The following AK1 variants were observed in gnomAD, a reference collection of about 807,000 sequenced individuals.
AK1 encodes adenylate kinase 1, also known as adenylate kinase isoenzyme 1.
Under a neutral mutation model 23.9 loss-of-function variants are expected in AK1, and 13 were observed. The observed-to-expected ratio is 0.54, with a 90% CI of 0.35 to 0.86. AK1 has a LOEUF of 0.86. Ranked by LOEUF, AK1 falls within the 40% of genes least tolerant of loss-of-function variation. The probability of loss-of-function intolerance (pLI) is 0.01; values close to 1 mark genes in which losing one functional copy is unlikely to be tolerated. For synonymous variants in AK1, 97 were observed against 102.8 expected, an observed-to-expected ratio of 0.94 and a Z score of 0.34; for missense variants, 214 against 255.1, an observed-to-expected ratio of 0.84 and a Z score of 1.10.
intron 5 of AK1, among the ~76,000 whole-genome samples, chr9:127,870,294 C>A (rs1398208357): frequency 6.6e-6 from 1 of 150,814 alleles, no homozygotes; most frequent in East Asian, 1.9e-4. Context: ...CTCCGTCCAG[C>A]CAGGTTCAAA....
At position 127,867,248 on chromosome 9, in the gene AK1, G is replaced by A. The variant is rs2249308; in HGVS notation, c.*760C>T. The stretch of plus-strand genomic sequence containing the variant: ...CTGCTCTCGAACTCCTGACCTCAGG[G>A]GATCCTCCTGCCTCAGCTTCCCAAA... On this transcript the variant is annotated 3_prime_UTR_variant, in exon 7 of 7. Coordinates refer to ENST00000644144, the MANE Select transcript of AK1 (RefSeq NM_000476.3). The A allele has an allele frequency of 2.0e-5, 3 of 152,178 alleles. No individual in the cohort carries two copies. The highest frequency in any genetic ancestry group is 2.9e-5 in the Non-Finnish European group (2 of 68,052). 9.4% of individuals were successfully genotyped at this position (152,178 alleles called of 1,614,324 possible). A position where few individuals can be genotyped will look rare whatever the true frequency, so the allele number is the denominator to read the frequency against.
Position 127,868,209 on chromosome 9 carries a change from G to A in AK1, c.516+112C>T. The A allele has an allele frequency of 1.4e-6, 2 of 1,442,600 alleles. No individual in the cohort carries two copies. The highest frequency in any genetic ancestry group is 9.6e-7 in the Non-Finnish European group (1 of 1,046,826). The allele number at this position is 1,442,600 out of a possible 1,614,324, so 89.4% of individuals were successfully genotyped here. A position where few individuals can be genotyped will look rare whatever the true frequency, so the allele number is the denominator to read the frequency against. ...ACAGCAGCCCCTCATTGAACCAGTG[G>A]GGAAACCAAGGCCCAGAGAGAGGGG... is the stretch of plus-strand genomic sequence containing the variant. On this transcript the variant is annotated intron_variant, in intron 6 of 6. Transcript: ENST00000644144. The surrounding 1 kb of genome is among the most constrained non-coding windows in gnomAD (Gnocchi z 4.1).
rs1394445308 is a variant in AK1, at chr9:127,875,401, G to T, written c.-32-752C>A. On this transcript the variant is annotated intron_variant, in intron 1 of 6. Coordinates refer to ENST00000644144, the MANE Select transcript of AK1 (RefSeq NM_000476.3). The stretch of plus-strand genomic sequence containing the variant: ...CAGCCCCCAGGACCTCCCCTACCTC[G>T]CCCCCCTATCTCAGAACTGCCCTCT... Among the ~76,000 whole-genome samples the T allele has an allele frequency of 9.2e-5, 6 of 65,230 alleles. No homozygotes were observed. In the South Asian group the frequency reaches 2.5e-3, roughly 27 times the overall value. 42.8% of individuals were successfully genotyped at this position (65,230 alleles called of 152,430 possible).
At position 127,871,689 on chromosome 9, in the gene AK1, C is replaced by A. The variant is rs895700431; in HGVS notation, c.324+134G>T. ...CCAGAAAGTCTTCCTGGTTTTCCTC[C>A]TCACCCACACTCCATGAATCAGCCT... On this transcript the variant is annotated intron_variant, in intron 5 of 6. Coordinates refer to ENST00000644144, the MANE Select transcript of AK1 (RefSeq NM_000476.3). The surrounding 1 kb of genome is among the most constrained non-coding windows in gnomAD (Gnocchi z 4.4). The A allele has an allele frequency of 3.9e-6, 3 of 777,606 alleles. No homozygotes were observed. The highest frequency in any genetic ancestry group is 1.8e-5 in the Admixed American group (1 of 55,230). 48.2% of individuals were successfully genotyped at this position (777,606 alleles called of 1,614,324 possible).
Position 127,868,661 on chromosome 9 carries a change from A to C in AK1, c.325-149T>G. On this transcript the variant is annotated intron_variant, in intron 5 of 6. Coordinates refer to ENST00000644144, the MANE Select transcript of AK1 (RefSeq NM_000476.3). The surrounding 1 kb of genome is among the most constrained non-coding windows in gnomAD (Gnocchi z 4.1). ...AGCCTGAAAGACCTTCCTAAAACCAATCTTTCCTGCCACTCCCCTGCTCAA... is the reference window on the plus strand; with the variant it reads ...AGCCTGAAAGACCTTCCTAAAACCACTCTTTCCTGCCACTCCCCTGCTCAA... 2 of 867,056 alleles carry C rather than the reference A, an allele frequency of 2.3e-6. No homozygotes were observed. The highest frequency in any genetic ancestry group is 3.6e-6 in the Non-Finnish European group (2 of 555,204). The allele number at this position is 867,056 out of a possible 1,614,324, so 53.7% of individuals were successfully genotyped here.
Position 127,871,819 on chromosome 9 carries a change from T to C in AK1, c.324+4A>G. 1 of 1,613,718 alleles carries C rather than the reference T, an allele frequency of 6.2e-7. No homozygotes were observed. Among genetic ancestry groups the C allele is most frequent in the South Asian group, 1.1e-5 (1 of 91,078 alleles). ...CAGGATCCCCACTTGGGTCAGTGCCTTACCCGTCGCTCAAACTCTTCTCCT... is the reference window on the plus strand; with the variant it reads ...CAGGATCCCCACTTGGGTCAGTGCCCTACCCGTCGCTCAAACTCTTCTCCT... On this transcript the variant is annotated splice_donor_region_variant and intron_variant, in intron 5 of 6. Coordinates refer to ENST00000644144, the MANE Select transcript of AK1 (RefSeq NM_000476.3). The surrounding 1 kb of genome is among the most constrained non-coding windows in gnomAD (Gnocchi z 4.4).
upstream of AK1, among the ~76,000 whole-genome samples, chr9:127,878,713 C>T (rs1382612993): frequency 5.3e-5 from 8 of 152,166 alleles, no homozygotes; most frequent in African/African-American, 1.9e-4. Context: ...GCCTCAGCAA[C>T]CACAGCAGCC....
intron 1 of AK1, among the ~76,000 whole-genome samples, chr9:127,876,660 C>T (rs1829544228): frequency 6.7e-6 from 1 of 148,388 alleles, no homozygotes; most frequent in Non-Finnish European, 1.5e-5. Context: ...CGACCCCGCC[C>T]TGCCCCGCCC....
In AK1 at chr9:127,868,283, G is replaced by A. The variant is rs562739326; in HGVS notation, c.516+38C>T. ...CTGAGGCGGAGCCACATAGGAACCCGTTCTTCCCGGAGCTGCCCCTGGGCC... is the reference window on the plus strand; with the variant it reads ...CTGAGGCGGAGCCACATAGGAACCCATTCTTCCCGGAGCTGCCCCTGGGCC... On this transcript the variant is annotated intron_variant, in intron 6 of 6. Transcript: ENST00000644144. The surrounding 1 kb of genome is among the most constrained non-coding windows in gnomAD (Gnocchi z 4.1). The A allele has an allele frequency of 2.8e-5, 44 of 1,548,938 alleles. No homozygotes were observed. The highest frequency in any genetic ancestry group is 2.0e-4 in the African/African-American group (15 of 73,178).
At chr9:127,873,870 G>A in intron 2 of AK1, 1 of 985,394 alleles carries the variant, frequency 1.0e-6, no homozygotes, top group Non-Finnish European at 1.2e-6. Flanking sequence ...CCCCTCTCTG[G>A]TTCTCTGCCC....
In AK1 at chr9:127,871,908, A is replaced by G; in HGVS notation, c.239T>C (p.Met80Thr). 1.9e-6 allele frequency: 3 copies of G among 1,614,046 alleles called. No homozygotes were observed. Among genetic ancestry groups the G allele is most frequent in the East Asian group, 2.2e-5 (1 of 44,880 alleles). Residue 80 changes from methionine to threonine, a missense_variant, in exon 5 of 7, where the codon ATG becomes ACG. Physicochemically the swap from Met to Thr is moderately conservative, Grantham distance 81. Transcript: ENST00000644144. The surrounding 1 kb of genome is among the most constrained non-coding windows in gnomAD (Gnocchi z 4.4). Reference sequence around the variant, plus strand: ...TTTGGAAGTATTGACTTTGGCCACCATGGCATCCCGGAGCATGTCCAACAC... The same window carrying G: ...TTTGGAAGTATTGACTTTGGCCACCGTGGCATCCCGGAGCATGTCCAACAC... ...ETVLDMLRDAMVAKVNTSKGF... is the reference protein window; with the variant it reads ...ETVLDMLRDATVAKVNTSKGF...
Position 127,868,052 on chromosome 9 carries a change from T to C in AK1, c.541A>G (p.Ser181Gly). ...TGGGTGCAGACCTGGGAGAAGACAC[T>C]GTCCACGGAGCCCTCAGCGTTGACC... ...RKVNAEGSVD[S>G]VFSQVCTHLD... Residue 181 changes from serine (S) to glycine (G), a missense_variant, in exon 7 of 7, where the codon AGT becomes GGT. Physicochemically the swap from Ser to Gly is moderately conservative, Grantham distance 56 (BLOSUM62 0). Coordinates refer to ENST00000644144, the MANE Select transcript of AK1 (RefSeq NM_000476.3). The surrounding 1 kb of genome is among the most constrained non-coding windows in gnomAD (Gnocchi z 4.1). 1.2e-6 allele frequency: 2 copies of C among 1,614,068 alleles called. No individual in the cohort carries two copies. Among genetic ancestry groups the C allele is most frequent in the Non-Finnish European group, 1.7e-6 (2 of 1,179,986 alleles).
rs536209021 is a variant in AK1 at position 127,867,546 on chromosome 9, G to T, written c.*462C>A. The stretch of plus-strand genomic sequence containing the variant: ...TGGAACATATGCTCAGAGCGATGGG[G>T]GTCAGGGCCAAGGCCACAGAGCAAG... On this transcript the variant is annotated 3_prime_UTR_variant, in exon 7 of 7. Transcript: ENST00000644144. 3.8e-4 allele frequency: 85 copies of T among 224,694 alleles called. No homozygotes were observed. The highest frequency in any genetic ancestry group is 1.8e-3 in the African/African-American group (79 of 43,964). 13.9% of individuals were successfully genotyped at this position (224,694 alleles called of 1,614,324 possible).
Position 127,873,860 on chromosome 9 carries a change from C to G in AK1, c.7+751G>C, listed in dbSNP as rs1230891373. 16 of 985,300 alleles carry G rather than the reference C, an allele frequency of 1.6e-5. 1 individual carries two copies. Among genetic ancestry groups the G allele is most frequent in the Non-Finnish European group, 1.1e-5 (9 of 829,906 alleles). The allele number at this position is 985,300 out of a possible 1,614,324, so 61.0% of individuals were successfully genotyped here. ...TGCTGTGTGACTTAGGAAAGGCCTG[C>G]CCCTCTCTGGTTCTCTGCCCCTTCC... On this transcript the variant is annotated intron_variant, in intron 2 of 6. Coordinates refer to ENST00000644144, the MANE Select transcript of AK1 (RefSeq NM_000476.3).
chr9:127,873,092 G>C, intron 2 of AK1, 31 bp from the exon 3 acceptor site: 1 of 1,608,060 alleles, frequency 6.2e-7, no homozygotes, highest in Non-Finnish European at 8.5e-7. Flanking sequence ...GCAGGGCTCA[G>C]TCACTCGCTG....
At chr9:127,874,587 G>T (rs766152032) in intron 2 of AK1, 24 bp downstream of exon 2, 35 of 1,613,160 alleles carry the variant, frequency 2.2e-5, no homozygotes, top group Non-Finnish European at 2.9e-5. Context: ...CCAGGCAATG[G>T]GCAAAAGGAG....
rs941448561 is a variant in AK1 at position 127,867,184 on chromosome 9, T to C, written c.*824A>G. 1 of 152,134 alleles carries C rather than the reference T, an allele frequency of 6.6e-6. No individual in the cohort carries two copies. The highest frequency in any genetic ancestry group is 2.4e-5 in the African/African-American group (1 of 41,408). The allele number at this position is 152,134 out of a possible 1,614,324, so 9.4% of individuals were successfully genotyped here. On this transcript the variant is annotated 3_prime_UTR_variant, in exon 7 of 7. Transcript: ENST00000644144. ...TGCCACCATGCCCGGCTAATTTTTG[T>C]ATTTTTAGTAAATAAGGGGTTTTGC...
At chr9:127,870,762 G>A (rs140966686) in intron 5 of AK1, among the ~76,000 whole-genome samples, 2 of 152,150 alleles carry the variant, frequency 1.3e-5, no homozygotes, top group African/African-American at 2.4e-5. Context: ...CCTATCCCCA[G>A]ATGAGGCTGG....
chr9:127,872,659 C>T, intron 4 of AK1, 31 bp downstream of exon 4: 1 of 1,613,260 alleles, frequency 6.2e-7, no homozygotes. Flanking sequence ...ACTGTCATCC[C>T]CTGCCTCTCA....
Sources: allele counts gnomAD v4.1 joint callset (sites outside exome capture counted in the v4.1 genomes callset), GRCh38; gene constraint gnomAD v4.1.1; non-coding constraint Gnocchi (gnomAD v3.1); transcripts MANE v1.5; gene names NCBI Gene and HGNC (gene_info 2026-07-23, HGNC 2026-07-21).